SMOC2: variants seen among roughly 807,000 people sequenced by gnomAD.
SMOC2 encodes the protein SPARC related modular calcium binding 2.
In SMOC2, 39 loss-of-function variants were observed where a neutral mutation model predicts 61.4. The ratio of observed to expected loss-of-function variants is 0.64; its 90% CI spans 0.49 to 0.83. The LOEUF (loss-of-function observed/expected upper bound fraction) is 0.83, where lower values mean the gene tolerates loss of function less well. Among genes scored for constraint, SMOC2 ranks in the 40% least tolerant of loss-of-function variants. The probability of loss-of-function intolerance (pLI) is 0.00; values close to 1 mark genes in which losing one functional copy is unlikely to be tolerated. For missense variants in SMOC2, 556 were observed against 592.9 expected (o/e 0.94, Z 0.65); for synonymous variants, 247 against 239.9 (o/e 1.03, Z -0.27).
intron 7 of SMOC2, among the ~76,000 whole-genome samples, chr6:168,585,631 G>A (rs978171141): frequency 1.3e-5 from 2 of 152,200 alleles, no homozygotes; most frequent in Admixed American, 6.5e-5. Context: ...AGGAATGTCC[G>A]AGGCCTCCCA....
intron 8 of SMOC2, among the ~76,000 whole-genome samples, chr6:168,605,617 T>C (rs1235697022): frequency 1.3e-5 from 2 of 152,178 alleles, no homozygotes; most frequent in Non-Finnish European, 2.9e-5. Context: ...AACATACCTC[T>C]ATCCCAAATG....
chr6:168,517,688 T>A (rs1236962379), intron 2 of SMOC2, among the ~76,000 whole-genome samples: 1 of 152,192 alleles, frequency 6.6e-6, no homozygotes, highest in Non-Finnish European at 1.5e-5. Context: ...CAATGGCCCC[T>A]GCGGCTCGCA....
rs182327082 is a variant in SMOC2, at chr6:168,533,358, G to A, written c.463+5631G>A. ...ATTTTTCTGCAAGGCCTAAAGTCTT[G>A]TCCTCCATCTGAAATGGTGGAACTC... On this transcript the variant is annotated intron_variant, in intron 4 of 12. Transcript: ENST00000356284. Among the ~76,000 whole-genome samples, 372 of 152,250 alleles carry A rather than the reference G, an allele frequency of 2.4e-3. 3 individuals carry two copies. In the South Asian group the frequency reaches 0.033, roughly 14 times the overall value.
intron 4 of SMOC2, among the ~76,000 whole-genome samples, chr6:168,542,099 T>C (rs1783888104): frequency 6.6e-6 from 1 of 152,236 alleles, no homozygotes; most frequent in Non-Finnish European, 1.5e-5. Flanking sequence ...TCATTTCCCG[T>C]CAAAAGTAGA....
At chr6:168,460,887 G>A (rs1480784871) in intron 1 of SMOC2, among the ~76,000 whole-genome samples, 2 of 152,178 alleles carry the variant, frequency 1.3e-5, no homozygotes, top group Non-Finnish European at 2.9e-5. Flanking sequence ...GTTTGATAAT[G>A]AGTAATCACT....
At chr6:168,498,346 A>T (rs1782641887) in intron 1 of SMOC2, among the ~76,000 whole-genome samples, 1 of 152,238 alleles carries the variant, frequency 6.6e-6, no homozygotes, top group Admixed American at 6.5e-5. Context: ...ACTCTGGCTG[A>T]ATGCCTTTGA....
At chr6:168,595,318 C>T (rs560510400) in intron 7 of SMOC2, among the ~76,000 whole-genome samples, 24 of 152,262 alleles carry the variant, frequency 1.6e-4, no homozygotes, top group South Asian at 1.0e-3. Flanking sequence ...GCCCCATGCG[C>T]CTCCCCAAGA....
At chr6:168,474,998 G>A (rs1490104156) in intron 1 of SMOC2, among the ~76,000 whole-genome samples, 1 of 152,088 alleles carries the variant, frequency 6.6e-6, no homozygotes, top group East Asian at 1.9e-4. Flanking sequence ...TAAGGATTCC[G>A]ATACATTTTT....
chr6:168,607,097 C>T (rs189181529), intron 8 of SMOC2, among the ~76,000 whole-genome samples: 4 of 152,000 alleles, frequency 2.6e-5, no homozygotes, highest in African/African-American at 4.8e-5. Context: ...CGCACCTCCC[C>T]GGCGTCTCCT....
rs534171437 is a variant in SMOC2, at chr6:168,473,829, G to C, written c.84+32375G>C. The stretch of plus-strand genomic sequence containing the variant: ...ACTAGTGTCTTGTGTGTCTCAGTGG[G>C]TGTGAGCGTGTGTGTGAGGAAGGAG... On this transcript the variant is annotated intron_variant, in intron 1 of 12. Transcript: ENST00000356284. Among the ~76,000 whole-genome samples, 3 of 152,260 alleles carry C rather than the reference G, an allele frequency of 2.0e-5. No homozygotes were observed. In the South Asian group the frequency reaches 6.2e-4, roughly 32 times the overall value.
intron 2 of SMOC2, among the ~76,000 whole-genome samples, chr6:168,522,796 G>A (rs1317117206): frequency 2.0e-5 from 3 of 152,184 alleles, no homozygotes; most frequent in Non-Finnish European, 4.4e-5. Flanking sequence ...AGTGGAGGAA[G>A]CCAGGCACAG....
chr6:168,662,315 G>A (rs2115292144), intron 11 of SMOC2, among the ~76,000 whole-genome samples: 1 of 152,344 alleles, frequency 6.6e-6, no homozygotes, highest in Non-Finnish European at 1.5e-5. Flanking sequence ...GGAGGCAGAA[G>A]GGAAGGTCAG....
intron 4 of SMOC2, among the ~76,000 whole-genome samples, chr6:168,533,665 G>GGA (rs1416014019): frequency 6.6e-6 from 1 of 152,122 alleles, no homozygotes; most frequent in Non-Finnish European, 1.5e-5. Context: ...CCTGTGCCTT[G>GGA]GAGAGAATCC....
At chr6:168,489,385 C>T (rs1782416739) in intron 1 of SMOC2, among the ~76,000 whole-genome samples, 1 of 150,784 alleles carries the variant, frequency 6.6e-6, no homozygotes, top group Non-Finnish European at 1.5e-5. Flanking sequence ...TTGGATCACA[C>T]TGTTTTAGAG....
chr6:168,499,073 C>A, intron 1 of SMOC2, among the ~76,000 whole-genome samples: 1 of 78,390 alleles, frequency 1.3e-5, no homozygotes, highest in Non-Finnish European at 2.5e-5. Context: ...CATAGCCTGT[C>A]TACTACACAT....
chr6:168,521,429 G>A (rs1178395154), intron 2 of SMOC2, among the ~76,000 whole-genome samples: 7 of 152,142 alleles, frequency 4.6e-5, no homozygotes, highest in South Asian at 2.1e-4. Context: ...GATTACAGGC[G>A]TGAGCCACTG....
chr6:168,612,553 G>A (rs4464761), intron 9 of SMOC2, among the ~76,000 whole-genome samples: 91,959 of 141,584 alleles, frequency 0.65, 29,475 homozygotes, highest in Middle Eastern at 0.72. Flanking sequence ...AAACAGCAGC[G>A]CTGGGTTCGT....
chr6:168,573,487 C>T (rs972791019), intron 7 of SMOC2, among the ~76,000 whole-genome samples: 4 of 152,184 alleles, frequency 2.6e-5, no homozygotes, highest in African/African-American at 9.6e-5. Flanking sequence ...CAGCTCTGCT[C>T]GGGCTCCCAG....
intron 9 of SMOC2, among the ~76,000 whole-genome samples, chr6:168,636,882 CCCT>C (rs1391430191): frequency 8.6e-6 from 1 of 116,792 alleles, no homozygotes; most frequent in African/African-American, 3.4e-5. Context: ...CCTCCCGCCT[CCCT>C]CCTCCCACCT....
Sources: gnomAD v4.1 joint callset for allele counts (sites outside exome capture counted in the v4.1 genomes callset) on GRCh38, gnomAD v4.1.1 for gene constraint, MANE v1.5 for transcripts, NCBI Gene and HGNC (gene_info 2026-07-23, HGNC 2026-07-21) for gene names.